SLC3A1: variants seen among roughly 807,000 people sequenced by gnomAD.
SLC3A1 encodes the protein amino acid transporter heavy chain SLC3A1.
In SLC3A1, 78 loss-of-function variants were observed where a neutral mutation model predicts 60.3. That is an observed-to-expected ratio of 1.29 (90% confidence interval 1.08 to 1.56). The LOEUF (loss-of-function observed/expected upper bound fraction) is 1.56, where lower values mean the gene tolerates loss of function less well. Ranked by LOEUF, SLC3A1 falls within the 40% of genes most tolerant of loss-of-function variation. SLC3A1 has a pLI of 0.00. For missense variants in SLC3A1, 1,172 were observed against 858.9 expected (o/e 1.36, Z -4.56); for synonymous variants, 392 against 307.9 (o/e 1.27, Z -2.86).
In SLC3A1 at chr2:44,312,752, T is replaced by A; in HGVS notation, c.1499T>A (p.Ile500Asn). ...GCAAATCTCAATGAAAGCTATGATA[T>A]TGTAAGTTGAATACAACTTGACTAT... The part of the protein sequence containing the change: ...VAANLNESYD[I>N]NTLRSKSPMQ... Residue 500 changes from isoleucine (I) to asparagine (N), a missense_variant and splice_region_variant, in exon 8 of 10, where the codon ATT (isoleucine) becomes AAT (asparagine). Physicochemically the swap from Ile to Asn is moderately radical, Grantham distance 149. Transcript: ENST00000260649. 10 of 1,612,384 alleles carry A rather than the reference T, an allele frequency of 6.2e-6. No individual in the cohort carries two copies. The highest frequency in any genetic ancestry group is 8.5e-6 in the Non-Finnish European group (10 of 1,178,630).
chr2:44,289,350 A>G (rs1292297566), intron 4 of SLC3A1, among the ~76,000 whole-genome samples: 1 of 149,762 alleles, frequency 6.7e-6, no homozygotes, highest in Non-Finnish European at 1.5e-5. Context: ...AGCTGAGATT[A>G]CAGGTGCGCA....
intron 9 of SLC3A1, chr2:44,318,412 A>T (rs1054358807): frequency 3.8e-5 from 7 of 181,996 alleles, no homozygotes; most frequent in Non-Finnish European, 8.2e-5. Flanking sequence ...TTTTTAATAG[A>T]AGACACAAGA....
chr2:44,311,261 T>A (rs1314467886), intron 7 of SLC3A1, among the ~76,000 whole-genome samples: 2 of 152,246 alleles, frequency 1.3e-5, no homozygotes, highest in Non-Finnish European at 2.9e-5. Flanking sequence ...TAATTTCTCT[T>A]ATCTATTTGA....
At chr2:44,299,660 T>A (rs1002661391) in intron 4 of SLC3A1, among the ~76,000 whole-genome samples, 1 of 152,234 alleles carries the variant, frequency 6.6e-6, no homozygotes, top group Non-Finnish European at 1.5e-5. Flanking sequence ...TCTTTTCTTA[T>A]GGTTTCATTC....
chr2:44,294,655 A>T (rs1671811207), intron 4 of SLC3A1, among the ~76,000 whole-genome samples: 1 of 152,186 alleles, frequency 6.6e-6, no homozygotes, highest in African/African-American at 2.4e-5. Flanking sequence ...GGACAGCGAG[A>T]GAGCTGGGTT....
chr2:44,318,263 G>C (rs1458698591), intron 9 of SLC3A1: 1 of 295,602 alleles, frequency 3.4e-6, no homozygotes, highest in South Asian at 2.6e-5. Context: ...GGTAATTTCT[G>C]TATTTTTTAG....
intron 9 of SLC3A1, among the ~76,000 whole-genome samples, chr2:44,315,501 G>A (rs543676816): frequency 0.067 from 3,706 of 55,018 alleles, 172 homozygotes; most frequent in African/African-American, 0.23. Flanking sequence ...CCCTACCCCC[G>A]CCAAAAAAAA....
At chr2:44,276,090 C>G in intron 1 of SLC3A1, 125 bp downstream of exon 1, 9 of 828,952 alleles carry the variant, frequency 1.1e-5, no homozygotes, top group Non-Finnish European at 1.8e-5. Flanking sequence ...CTGGTCATGC[C>G]AAGTTGCTCC....
chr2:44,302,803 A>C (rs967593457), intron 6 of SLC3A1, among the ~76,000 whole-genome samples: 5 of 152,252 alleles, frequency 3.3e-5, no homozygotes, highest in Admixed American at 2.6e-4. Context: ...AGTGATGAGA[A>C]TTGCTAAAGA....
At chr2:44,297,074 C>A (rs1211704994) in intron 4 of SLC3A1, among the ~76,000 whole-genome samples, 1 of 152,222 alleles carries the variant, frequency 6.6e-6, no homozygotes, top group Non-Finnish European at 1.5e-5. Flanking sequence ...CTCTAATACA[C>A]AAGTGAACTG....
intron 3 of SLC3A1, chr2:44,285,654 T>A: frequency 2.1e-6 from 1 of 482,680 alleles, no homozygotes. Context: ...GCGGAATGTT[T>A]CTTTCTTCCA....
chr2:44,322,162 C>G (rs1673031918), downstream of SLC3A1, among the ~76,000 whole-genome samples: 2 of 152,170 alleles, frequency 1.3e-5, no homozygotes, highest in South Asian at 4.1e-4. Context: ...AGGAGATCAT[C>G]AACCTGCCCT....
chr2:44,321,469 TTAAA>T lies in SLC3A1; in HGVS notation c.*833_*836del. 1 of 1,604,314 alleles carries T rather than the reference TTAAA, an allele frequency of 6.2e-7. No individual in the cohort carries two copies. The highest frequency in any genetic ancestry group is 8.5e-7 in the Non-Finnish European group (1 of 1,172,570). On this transcript the variant is annotated 3_prime_UTR_variant, in exon 10 of 10. Transcript: ENST00000260649. Reference sequence around the variant, plus strand: ...ATCTAAAAGAAACACATTAAAAAAATTAAATAGAAGGCCTTTGTAGTAAAATGCC... The same window carrying T: ...ATCTAAAAGAAACACATTAAAAAAATTAGAAGGCCTTTGTAGTAAAATGCC...
chr2:44,314,190 G>C, intron 9 of SLC3A1: 1 of 1,019,698 alleles, frequency 9.8e-7, no homozygotes, highest in Non-Finnish European at 1.4e-6. Context: ...AGTCTTCATT[G>C]CAATGACCTT....
intron 9 of SLC3A1, 44 bp from the exon 10 acceptor site, chr2:44,320,155 T>A: frequency 6.7e-7 from 1 of 1,487,092 alleles, no homozygotes. Context: ...TACAAACAAT[T>A]CTTAGAATCA....
At chr2:44,289,820 C>T (rs1166136780) in intron 4 of SLC3A1, among the ~76,000 whole-genome samples, 3 of 151,558 alleles carry the variant, frequency 2.0e-5, no homozygotes, top group Admixed American at 6.6e-5. Flanking sequence ...TTAGTAGAGA[C>T]GCGTTTTATC....
At chr2:44,302,172 A>T (rs1672028655) in intron 6 of SLC3A1, among the ~76,000 whole-genome samples, 1 of 152,216 alleles carries the variant, frequency 6.6e-6, no homozygotes, top group African/African-American at 2.4e-5. Flanking sequence ...AGTATCAGGA[A>T]CACAGCTTTG....
At chr2:44,296,670 T>G (rs1671857666) in intron 4 of SLC3A1, among the ~76,000 whole-genome samples, 1 of 152,202 alleles carries the variant, frequency 6.6e-6, no homozygotes, top group South Asian at 2.1e-4. Context: ...GACCCTTGAC[T>G]TGACTTGAAA....
intron 5 of SLC3A1, 62 bp from the exon 6 acceptor site, chr2:44,300,941 G>C (rs1671987239): frequency 3.1e-6 from 5 of 1,606,848 alleles, no homozygotes; most frequent in Admixed American, 1.7e-5. Flanking sequence ...CATTCATATA[G>C]AGCGAGCTGT....
Sources: allele counts gnomAD v4.1 joint callset (sites outside exome capture counted in the v4.1 genomes callset), GRCh38; gene constraint gnomAD v4.1.1; transcripts MANE v1.5; gene names NCBI Gene and HGNC (gene_info 2026-07-23, HGNC 2026-07-21).